DPYD: variants seen among roughly 807,000 people sequenced by gnomAD.
DPYD encodes dihydropyrimidine dehydrogenase [NADP(+)].
A neutral mutation model predicts 116.2 loss-of-function variants in DPYD; 109 were observed. That is an observed-to-expected ratio of 0.94 (90% CI 0.80 to 1.10). The LOEUF (loss-of-function observed/expected upper bound fraction) is 1.10, where lower values mean the gene tolerates loss of function less well. Ranked by LOEUF, DPYD falls within the 50% of genes least tolerant of loss-of-function variation. The pLI, the probability that DPYD is intolerant of heterozygous loss-of-function variation, is 0.00. For synonymous variants in DPYD, 440 were observed against 432.0 expected, an observed-to-expected ratio of 1.02 and a Z score of -0.23; for missense variants, 1,302 against 1,254.5, an observed-to-expected ratio of 1.04 and a Z score of -0.57.
intron 20 of DPYD, among the ~76,000 whole-genome samples, chr1:97,192,598 TA>T (rs1205620054): frequency 6.6e-6 from 1 of 152,194 alleles, no homozygotes; most frequent in Non-Finnish European, 1.5e-5. Context: ...GCTGGGACCA[TA>T]ACCGTTTGAG....
At chr1:97,592,710 G>C (rs189490756) in intron 10 of DPYD, among the ~76,000 whole-genome samples, 17 of 152,268 alleles carry the variant, frequency 1.1e-4, no homozygotes, top group African/African-American at 3.6e-4. Context: ...ATTTTGAGTA[G>C]TGCTTATATT....
At chr1:97,307,768 C>T (rs115644251) in intron 16 of DPYD, among the ~76,000 whole-genome samples, 1,865 of 151,976 alleles carry the variant, frequency 0.012, 10 homozygotes, top group Middle Eastern at 0.027. Context: ...TGGAGATCTG[C>T]CCCTGCCCAT....
In DPYD at chr1:97,679,201, TG is replaced by T; in HGVS notation, c.763-20del. 1 of 1,404,340 alleles carries T rather than the reference TG, an allele frequency of 7.1e-7. No individual in the cohort carries two copies. Among genetic ancestry groups the T allele is most frequent in the Non-Finnish European group, 9.9e-7 (1 of 1,009,428 alleles). The allele number at this position is 1,404,340 out of a possible 1,614,324, so 87.0% of individuals were successfully genotyped here. ...AAATTATCTATAAGAAACAATATTT[TG>T]CATAAGAAAATTTGGCATATGATTA... On this transcript the variant is annotated intron_variant, in intron 7 of 22. Coordinates refer to ENST00000370192, the MANE Select transcript of DPYD (RefSeq NM_000110.4).
chr1:97,695,787 C>G (rs999500431), intron 6 of DPYD, among the ~76,000 whole-genome samples: 2 of 151,958 alleles, frequency 1.3e-5, no homozygotes, highest in Non-Finnish European at 2.9e-5. Flanking sequence ...TTTGAAAAAA[C>G]AAATCAGGAA....
intron 12 of DPYD, among the ~76,000 whole-genome samples, chr1:97,525,256 G>C (rs1648967733): frequency 1.3e-5 from 2 of 152,098 alleles, no homozygotes; most frequent in African/African-American, 2.4e-5. Flanking sequence ...AGTGATTGTG[G>C]TGATGGTTGC....
intron 16 of DPYD, among the ~76,000 whole-genome samples, chr1:97,314,116 T>C (rs1282679531): frequency 6.6e-6 from 1 of 151,914 alleles, no homozygotes; most frequent in East Asian, 1.9e-4. Flanking sequence ...TGAGCTAAAA[T>C]ACTTGGAGAG....
chr1:97,759,180 C>T (rs147420243), intron 3 of DPYD, among the ~76,000 whole-genome samples: 1 of 152,232 alleles, frequency 6.6e-6, no homozygotes, highest in African/African-American at 2.4e-5. Context: ...ACCAGCGTTA[C>T]TGCATCCTAC....
intron 2 of DPYD, among the ~76,000 whole-genome samples, chr1:97,847,642 TTTAATA>T: frequency 6.6e-6 from 1 of 152,280 alleles, no homozygotes; most frequent in Non-Finnish European, 1.5e-5. Context: ...ATGTTTAAAA[TTTAATA>T]TTAAGTACTT....
intron 3 of DPYD, among the ~76,000 whole-genome samples, chr1:97,817,246 T>C (rs1348776136): frequency 2.6e-5 from 4 of 152,134 alleles, no homozygotes; most frequent in Non-Finnish European, 5.9e-5. Flanking sequence ...TACAATAAAA[T>C]GTTTCCTTAC....
At chr1:97,167,689 T>C (rs550723811) in intron 20 of DPYD, among the ~76,000 whole-genome samples, 1 of 152,308 alleles carries the variant, frequency 6.6e-6, no homozygotes, top group South Asian at 2.1e-4. Flanking sequence ...TCATTGTTGA[T>C]TTTCATGTGA....
At chr1:97,762,573 G>C (rs930625002) in intron 3 of DPYD, among the ~76,000 whole-genome samples, 6 of 152,048 alleles carry the variant, frequency 3.9e-5, no homozygotes, top group African/African-American at 1.4e-4. Flanking sequence ...AAACTGCTTA[G>C]ATTTTGTTAA....
intron 3 of DPYD, among the ~76,000 whole-genome samples, chr1:97,741,591 A>G (rs933954236): frequency 6.6e-6 from 1 of 152,180 alleles, no homozygotes; most frequent in African/African-American, 2.4e-5. Context: ...CTTTATTTGC[A>G]CATTAACTTA....
chr1:97,441,429 T>G (rs771379957), intron 14 of DPYD, among the ~76,000 whole-genome samples: 1 of 152,096 alleles, frequency 6.6e-6, no homozygotes, highest in Non-Finnish European at 1.5e-5. Context: ...TCATTTTGGA[T>G]AGCTTTTATT....
At chr1:97,843,905 T>C (rs894707273) in intron 2 of DPYD, among the ~76,000 whole-genome samples, 1 of 152,170 alleles carries the variant, frequency 6.6e-6, no homozygotes, top group Non-Finnish European at 1.5e-5. Context: ...TGAAAAAATA[T>C]ACATACTTCA....
chr1:97,252,652 C>T (rs774459666), intron 18 of DPYD, among the ~76,000 whole-genome samples: 78 of 152,038 alleles, frequency 5.1e-4, no homozygotes, highest in African/African-American at 1.5e-3. Flanking sequence ...TTGCCAAAAC[C>T]GCTATATACT....
chr1:97,875,324 C>G (rs974255724), intron 2 of DPYD, among the ~76,000 whole-genome samples: 6 of 151,912 alleles, frequency 3.9e-5, no homozygotes, highest in Non-Finnish European at 7.4e-5. Context: ...TCATAAGAAT[C>G]ATCTGGATAC....
chr1:97,837,690 C>T (rs1164096642), intron 2 of DPYD, among the ~76,000 whole-genome samples: 1 of 151,974 alleles, frequency 6.6e-6, no homozygotes, highest in Non-Finnish European at 1.5e-5. Flanking sequence ...ATTATCAATT[C>T]TAAAATTGTA....
intron 4 of DPYD, among the ~76,000 whole-genome samples, chr1:97,723,350 G>A (rs567481657): frequency 5.3e-5 from 8 of 151,678 alleles, no homozygotes; most frequent in African/African-American, 1.7e-4. Flanking sequence ...ATAAGTGGCA[G>A]AGACAGGATT....
At chr1:97,085,612 A>G (rs530447737) in intron 21 of DPYD, among the ~76,000 whole-genome samples, 55 of 152,318 alleles carry the variant, frequency 3.6e-4, no homozygotes, top group African/African-American at 1.3e-3. Context: ...GTGGCTAAGA[A>G]TGTGGACATT....
Sources: allele counts gnomAD v4.1 joint callset (sites outside exome capture counted in the v4.1 genomes callset), GRCh38; gene constraint gnomAD v4.1.1; transcripts MANE v1.5; gene names NCBI Gene and HGNC (gene_info 2026-07-23, HGNC 2026-07-21).